The following LIMS2 variants were observed in gnomAD, a reference collection of about 807,000 sequenced individuals.
LIMS2 encodes the protein LIM zinc finger domain containing 2.
In LIMS2, 30 loss-of-function variants were observed where a neutral mutation model predicts 45.3. The ratio of observed to expected loss-of-function variants is 0.66; its 90% confidence interval spans 0.50 to 0.90. The LOEUF (loss-of-function observed/expected upper bound fraction) is 0.90. Ranked by LOEUF, LIMS2 falls within the 40% of genes least tolerant of loss-of-function variation. The pLI is 0.00. For missense variants in LIMS2, 485 were observed against 468.7 expected, an observed-to-expected ratio of 1.03 and a Z score of -0.32; for synonymous variants, 173 against 188.0, an observed-to-expected ratio of 0.92 and a Z score of 0.65.
intron 4 of LIMS2, chr2:127,650,553 C>T (rs1022102820): frequency 3.3e-6 from 2 of 605,122 alleles, no homozygotes; most frequent in African/African-American, 1.8e-5. Flanking sequence ...GACGCTCACG[C>T]ACACCAAATG....
At chr2:127,652,891 T>C (rs1413083100) in intron 4 of LIMS2, among the ~76,000 whole-genome samples, 2 of 152,232 alleles carry the variant, frequency 1.3e-5, no homozygotes, top group African/African-American at 4.8e-5. Flanking sequence ...TGTAGCATGT[T>C]TGACTTTCCA....
intron 4 of LIMS2, chr2:127,650,095 C>T (rs1278415096): frequency 6.3e-7 from 1 of 1,591,226 alleles, no homozygotes; most frequent in Non-Finnish European, 8.6e-7. Context: ...AAGAGTAGAC[C>T]TCTGACGTCC....
At position 127,642,875 on chromosome 2, in the gene LIMS2, G is replaced by A. The variant is rs369538171; in HGVS notation, c.509+48C>T. 6.5e-7 allele frequency: 1 copy of A among 1,539,000 alleles called. No homozygotes were observed. Among genetic ancestry groups the A allele is most frequent in the Non-Finnish European group, 8.8e-7 (1 of 1,139,538 alleles). Reference sequence around the variant, plus strand: ...GCCCCACCGCCCTTACCCTGGGCCAGCCCTGGCTCCCCGCCCCCACAACTG... The same window carrying A: ...GCCCCACCGCCCTTACCCTGGGCCAACCCTGGCTCCCCGCCCCCACAACTG... On this transcript the variant is annotated intron_variant, in intron 5 of 9. Transcript: ENST00000355119. This position sits in a 1 kb window ranked among gnomAD's most constrained non-coding sequence, Gnocchi z 5.3.
At chr2:127,679,530 T>C (rs1444945438), upstream of LIMS2, among the ~76,000 whole-genome samples, 2 of 152,058 alleles carry the variant, frequency 1.3e-5, no homozygotes, top group Non-Finnish European at 2.9e-5. The surrounding 1 kb of genome is among the most constrained non-coding windows in gnomAD (Gnocchi z 5.3). Flanking sequence ...AGCATCTCCC[T>C]GGGCACGAGC....
chr2:127,673,441 C>A (rs1573852699), intron 1 of LIMS2, among the ~76,000 whole-genome samples: 2 of 152,184 alleles, frequency 1.3e-5, no homozygotes, highest in South Asian at 4.1e-4. Flanking sequence ...GCCCTTGGAG[C>A]CCACAGCAGC....
intron 1 of LIMS2, among the ~76,000 whole-genome samples, chr2:127,669,584 G>A (rs1227697242): frequency 6.6e-6 from 1 of 152,038 alleles, no homozygotes; most frequent in Non-Finnish European, 1.5e-5. Context: ...CAGGCATGGT[G>A]GCACACGCCT....
At chr2:127,639,505 T>C (rs1340850104) in intron 9 of LIMS2, 77 bp from the exon 10 acceptor site, 18 of 1,554,710 alleles carry the variant, frequency 1.2e-5, no homozygotes, top group Non-Finnish European at 1.6e-5. Context: ...TGGAGTGGGC[T>C]TCCCTCAGCC....
chr2:127,654,940 T>A (rs1236875756), intron 2 of LIMS2, 44 bp from the exon 3 acceptor site: 9 of 1,572,548 alleles, frequency 5.7e-6, no homozygotes, highest in Admixed American at 1.7e-5. Context: ...CCACCTATCA[T>A]CCCCATGAGC....
upstream of LIMS2, among the ~76,000 whole-genome samples, chr2:127,676,408 T>TC (rs1223117443): frequency 1.8e-5 from 1 of 56,768 alleles, no homozygotes; most frequent in Non-Finnish European, 3.2e-5. Flanking sequence ...CAGTTGTTAC[T>TC]TTTTTTTTTT....
upstream of LIMS2, among the ~76,000 whole-genome samples, chr2:127,680,367 C>T (rs530442553): frequency 6.6e-6 from 1 of 152,356 alleles, no homozygotes; most frequent in African/African-American, 2.4e-5. Context: ...GTGGGAGGAT[C>T]GCTTGAGCCC....
At position 127,651,413 on chromosome 2, in the gene LIMS2, G is replaced by A. The variant is rs753371852; in HGVS notation, c.359+3011C>T. ...GCCTGCGGCAGGGCCTGCGTGTGGA[G>A]AAGCGCCTCAAGACCAAGGCAGTGC... On this transcript the variant is annotated intron_variant, in intron 4 of 9. Transcript: ENST00000355119. 8 of 1,612,898 alleles carry A rather than the reference G, an allele frequency of 5.0e-6. No homozygotes were observed. In the Admixed American group the frequency reaches 1.2e-4, roughly 24 times the overall value.
chr2:127,640,743 G>A (rs942928339), intron 7 of LIMS2, 153 bp downstream of exon 7: 2 of 675,564 alleles, frequency 3.0e-6, no homozygotes, highest in Admixed American at 2.4e-5. Context: ...CAGGTCTCGA[G>A]ACCCCAGGCC....
intron 1 of LIMS2, among the ~76,000 whole-genome samples, chr2:127,659,324 G>C (rs1684466025): frequency 6.6e-6 from 1 of 152,194 alleles, no homozygotes; most frequent in Non-Finnish European, 1.5e-5. Context: ...AGGCCAGAGG[G>C]GCAAGGAAGC....
rs927585573 is a variant in LIMS2 at position 127,650,841 on chromosome 2, T to G, written c.359+3583A>C. 5.0e-6 allele frequency: 8 copies of G among 1,613,962 alleles called. No individual in the cohort carries two copies. The highest frequency in any genetic ancestry group is 5.9e-6 in the Non-Finnish European group (7 of 1,179,980). On this transcript the variant is annotated intron_variant, in intron 4 of 9. Coordinates refer to ENST00000355119, the MANE Select transcript of LIMS2 (RefSeq NM_001161403.3). ...GCCACTGGAGAACATGCTGTTCGCCTCCTTCTACCTTCTGGATTTTATCCT... is the reference window on the plus strand; with the variant it reads ...GCCACTGGAGAACATGCTGTTCGCCGCCTTCTACCTTCTGGATTTTATCCT...
rs1176272825 is a variant in LIMS2, at chr2:127,672,758, C to T, written c.11+2256G>A. 6.6e-6 allele frequency among the ~76,000 whole-genome samples: 1 copy of T among 152,254 alleles called. No individual in the cohort carries two copies. Among genetic ancestry groups the T allele is most frequent in the Non-Finnish European group, 1.5e-5 (1 of 68,042 alleles). On this transcript the variant is annotated intron_variant, in intron 1 of 9. Coordinates refer to ENST00000355119, the MANE Select transcript of LIMS2 (RefSeq NM_001161403.3). This position sits in a 1 kb window ranked among gnomAD's most constrained non-coding sequence, Gnocchi z 4.9. ...AGACAGCATGGCCACACATGCCACT[C>T]CAGGTCACTTTGGTGGCTCCCCACA...
rs1449953900 is a variant in LIMS2, at chr2:127,675,526, A to C, written c.-502T>G. On this transcript the variant is annotated 5_prime_UTR_variant, in exon 1 of 10. Transcript: ENST00000355119. The stretch of plus-strand genomic sequence containing the variant: ...CTTCCCAACCCGGGCTCTGCTCGCC[A>C]CCTCCTGGATTCCGGGCATAGCTTT... Among the ~76,000 whole-genome samples the C allele has an allele frequency of 1.3e-5, 2 of 151,900 alleles. No individual in the cohort carries two copies. The highest frequency in any genetic ancestry group is 4.8e-5 in the African/African-American group (2 of 41,354).
intron 1 of LIMS2, among the ~76,000 whole-genome samples, chr2:127,665,846 C>G (rs1684970347): frequency 6.6e-6 from 1 of 152,168 alleles, no homozygotes; most frequent in South Asian, 2.1e-4. Flanking sequence ...ATTTAGGGCT[C>G]CAAGGGTCAC....
At chr2:127,676,512 A>G (rs1177282162), upstream of LIMS2, among the ~76,000 whole-genome samples, 1 of 150,340 alleles carries the variant, frequency 6.7e-6, no homozygotes, top group African/African-American at 2.5e-5. Context: ...CCCAGGTTCA[A>G]GCGATTCTCC....
At position 127,653,590 on chromosome 2, in the gene LIMS2, CAG is replaced by C. The variant is rs1684016690; in HGVS notation, c.359+832_359+833del. Among the ~76,000 whole-genome samples, 1 of 152,172 alleles carries C rather than the reference CAG, an allele frequency of 6.6e-6. No homozygotes were observed. The highest frequency in any genetic ancestry group is 1.9e-4 in the East Asian group (1 of 5,174). ...TGGAGAGACAGGGAGAAAGGTGACT[CAG>C]AGGAGGGGAGTGAGCAGGTGCAGCT... On this transcript the variant is annotated intron_variant, in intron 4 of 9. Transcript: ENST00000355119. This position sits in a 1 kb window ranked among gnomAD's most constrained non-coding sequence, Gnocchi z 5.3.
Sources: gnomAD v4.1 joint callset for allele counts (sites outside exome capture counted in the v4.1 genomes callset) on GRCh38, gnomAD v4.1.1 for gene constraint, Gnocchi (gnomAD v3.1) non-coding constraint, MANE v1.5 for transcripts, NCBI Gene and HGNC (gene_info 2026-07-23, HGNC 2026-07-21) for gene names.